Variants in TNRC6B observed in about 807,000 individuals in gnomAD.
TNRC6B encodes the protein trinucleotide repeat containing adaptor 6B.
A neutral mutation model predicts 203.6 loss-of-function variants in TNRC6B; 52 were observed. The ratio of observed to expected loss-of-function variants is 0.26; its 90% confidence interval spans 0.20 to 0.32. The LOEUF is 0.32. TNRC6B is among the 10% of genes least tolerant of loss of function. The probability of loss-of-function intolerance (pLI) is 1.00; values close to 1 mark genes in which losing one functional copy is unlikely to be tolerated. For synonymous variants in TNRC6B, 838 were observed against 845.7 expected (o/e 0.99, Z 0.16); for missense variants, 1,923 against 2,286.2 (o/e 0.84, Z 3.24).
intron 1 of TNRC6B, among the ~76,000 whole-genome samples, chr22:40,051,167 C>T (rs953540024): frequency 1.3e-5 from 2 of 152,134 alleles, no homozygotes; most frequent in South Asian, 2.1e-4. Context: ...TCAGTGTCTC[C>T]TCTGGGACTT....
chr22:40,048,085 C>T (rs991166168), intron 1 of TNRC6B, among the ~76,000 whole-genome samples: 1 of 152,184 alleles, frequency 6.6e-6, no homozygotes, highest in African/African-American at 2.4e-5. Flanking sequence ...TGGATCTCTC[C>T]GTTCTACTAT....
intron 12 of TNRC6B, among the ~76,000 whole-genome samples, chr22:40,295,144 C>T (rs182077557): frequency 2.0e-5 from 3 of 152,176 alleles, no homozygotes; most frequent in African/African-American, 7.2e-5. Flanking sequence ...TACAGGAAAC[C>T]TGAACTTGGT....
chr22:40,089,818 G>A (rs1003625337), intron 1 of TNRC6B, among the ~76,000 whole-genome samples: 1 of 152,128 alleles, frequency 6.6e-6, no homozygotes. Context: ...TGGTTTCAGT[G>A]CTCTCAATCT....
At chr22:40,108,623 A>G (rs1197778241) in intron 1 of TNRC6B, among the ~76,000 whole-genome samples, 2 of 152,180 alleles carry the variant, frequency 1.3e-5, no homozygotes, top group Non-Finnish European at 2.9e-5. Context: ...CAGACATGTG[A>G]TACTGCAAAA....
intron 3 of TNRC6B, among the ~76,000 whole-genome samples, chr22:40,256,607 A>C (rs531454353): frequency 6.6e-6 from 1 of 152,188 alleles, no homozygotes; most frequent in Non-Finnish European, 1.5e-5. Context: ...GCACAGCCAC[A>C]CTCATATGTT....
At chr22:40,064,866 C>T (rs1387503419) in intron 1 of TNRC6B, among the ~76,000 whole-genome samples, 2 of 152,102 alleles carry the variant, frequency 1.3e-5, no homozygotes, top group Non-Finnish European at 2.9e-5. Context: ...ATCTGCCCAC[C>T]TCGGCCTTCC....
At chr22:40,098,944 A>G (rs1247059317) in intron 1 of TNRC6B, among the ~76,000 whole-genome samples, 2 of 152,058 alleles carry the variant, frequency 1.3e-5, no homozygotes, top group South Asian at 2.1e-4. Context: ...TTATTTTGAT[A>G]TATGGAGTAA....
chr22:40,089,908 C>G (rs2068136162), intron 1 of TNRC6B, among the ~76,000 whole-genome samples: 1 of 152,166 alleles, frequency 6.6e-6, no homozygotes, highest in Non-Finnish European at 1.5e-5. Context: ...GTAGATTTTT[C>G]TTTTCCAGAT....
intron 1 of TNRC6B, among the ~76,000 whole-genome samples, chr22:40,205,394 A>G (rs2146413167): frequency 6.6e-6 from 1 of 152,318 alleles, no homozygotes; most frequent in South Asian, 2.1e-4. Context: ...GGTATTCTAG[A>G]TATGCTGATT....
chr22:40,264,224 A>G lies in TNRC6B; in HGVS notation c.458-464A>G, dbSNP rs77696624. ...AAGACTAGAAAAGTTGGTTGGTCCC[A>G]GGTCATGGAACATCTTGATGACATT... is the stretch of plus-strand genomic sequence containing the variant. On this transcript the variant is annotated intron_variant, in intron 4 of 22. Transcript: ENST00000454349. Among the ~76,000 whole-genome samples the G allele has an allele frequency of 2.0e-5, 3 of 152,238 alleles. No homozygotes were observed. The East Asian group carries it at 5.8e-4, about 29-fold the overall frequency.
intron 3 of TNRC6B, among the ~76,000 whole-genome samples, chr22:40,145,944 C>G (rs1356618025): frequency 2.0e-5 from 3 of 152,028 alleles, no homozygotes; most frequent in African/African-American, 7.2e-5. Context: ...CCTGATGAAA[C>G]TGTGGGGCTG....
Position 40,277,096 on chromosome 22 carries a change from A to G in TNRC6B, c.3161A>G (p.Asn1054Ser), listed in dbSNP as rs368888893. The change falls in exon 8 of 23, where the codon AAC (asparagine) becomes AGC (serine). Residue 1054 changes from asparagine to serine, a missense_variant. Around this residue, in one of 8 missense-constraint regions of TNRC6B, gnomAD observed 599 missense variants for 656.5 expected, o/e 0.91. Coordinates refer to ENST00000454349, the MANE Select transcript of TNRC6B (RefSeq NM_001162501.2). ...CTGTAGTGCTCACTCAAAGGAGGAA[A>G]CAATGATTCATGGATGAATCCTCTT... is the stretch of plus-strand genomic sequence containing the variant. ...KQMKCSLKGG[N>S]NDSWMNPLAK... 7 of 1,606,770 alleles carry G rather than the reference A, an allele frequency of 4.4e-6. No homozygotes were observed. The African/African-American group carries it at 6.7e-5, about 15-fold the overall frequency.
chr22:40,059,815 G>GTTTT (rs764365612), intron 1 of TNRC6B, among the ~76,000 whole-genome samples: 5 of 126,178 alleles, frequency 4.0e-5, no homozygotes, highest in Non-Finnish European at 5.1e-5. Flanking sequence ...ATAGAGTTTG[G>GTTTT]TTTTTTTTTT....
Position 40,264,705 on chromosome 22 carries a change from G to C in TNRC6B, c.475G>C (p.Ala159Pro), listed in dbSNP as rs2070447027. 3 of 1,596,754 alleles carry C rather than the reference G, an allele frequency of 1.9e-6. No homozygotes were observed. The Admixed American group carries it at 5.2e-5, about 27-fold the overall frequency. Residue 159 changes from alanine to proline, a missense_variant, in exon 5 of 23, where the codon GCT (alanine) becomes CCT (proline). By Grantham distance (27) the Ala-to-Pro change is conservative. Transcript: ENST00000454349. ...TTCCCCAGACTCAACCCTTGGAGGT[G>C]CTGCTGCTTCAAATTATGCAAATTC... The part of the protein sequence containing the change: ...GTAPDSTLGG[A>P]AASNYANSTW...
chr22:40,210,789 T>C (rs2069551060), intron 1 of TNRC6B, among the ~76,000 whole-genome samples: 1 of 152,200 alleles, frequency 6.6e-6, no homozygotes, highest in South Asian at 2.1e-4. Flanking sequence ...TCCAGGAACC[T>C]GGAAATATGC....
chr22:40,178,245 C>G, intron 1 of TNRC6B, 105 bp downstream of exon 1: 2 of 1,325,938 alleles, frequency 1.5e-6, no homozygotes, highest in African/African-American at 2.9e-5. Flanking sequence ...AGCATGGAGA[C>G]TGGCTTCAGA....
At chr22:40,084,057 T>G (rs1811788961) in intron 1 of TNRC6B, among the ~76,000 whole-genome samples, 1 of 152,162 alleles carries the variant, frequency 6.6e-6, no homozygotes, top group African/African-American at 2.4e-5. Context: ...TCATCAGTAT[T>G]CTTGGCATGG....
intron 4 of TNRC6B, among the ~76,000 whole-genome samples, chr22:40,165,291 T>G (rs529376151): frequency 6.6e-6 from 1 of 151,800 alleles, no homozygotes; most frequent in Admixed American, 6.6e-5. Flanking sequence ...ATCCTCCCAC[T>G]TTAGCCTCTG....
At chr22:40,305,793 G>T (rs1257198468) in intron 15 of TNRC6B, among the ~76,000 whole-genome samples, 1 of 152,112 alleles carries the variant, frequency 6.6e-6, no homozygotes, top group Non-Finnish European at 1.5e-5. Context: ...TGAGAAAAGT[G>T]CCCGCTTTCT....
Sources: allele counts gnomAD v4.1 joint callset (sites outside exome capture counted in the v4.1 genomes callset), GRCh38; gene constraint gnomAD v4.1.1; regional missense constraint gnomAD v4.1.1; transcripts MANE v1.5; gene names NCBI Gene and HGNC (gene_info 2026-07-23, HGNC 2026-07-21).